CCDC77: variants seen among roughly 807,000 people sequenced by gnomAD.
The protein encoded by CCDC77 is coiled-coil domain-containing protein 77.
CCDC77 carries 56 observed loss-of-function variants against 66.8 expected under a neutral mutation model. That is an observed-to-expected ratio of 0.84 (90% CI 0.68 to 1.05). The LOEUF (loss-of-function observed/expected upper bound fraction) is 1.05. Ranked by LOEUF, CCDC77 falls within the 50% of genes least tolerant of loss-of-function variation. The probability of loss-of-function intolerance (pLI) is 0.00; values close to 1 mark genes in which losing one functional copy is unlikely to be tolerated. For missense variants in CCDC77, 570 were observed against 576.8 expected (o/e 0.99, Z 0.12); for synonymous variants, 196 against 195.2 (o/e 1.00, Z -0.03).
At chr12:415,407 TA>T (rs1457853769) in intron 4 of CCDC77, among the ~76,000 whole-genome samples, 5 of 73,962 alleles carry the variant, frequency 6.8e-5, no homozygotes, top group African/African-American at 2.3e-4. Flanking sequence ...ATCAACATAA[TA>T]TGTTGATATT....
chr12:440,866 A>T lies in CCDC77; in HGVS notation c.1190A>T (p.Lys397Met), dbSNP rs781085033. ...IFKDRTNKMGKRLQIMTKRYE... is the reference protein window; with the variant it reads ...IFKDRTNKMGMRLQIMTKRYE... ...TAGGATCGCACTAACAAGATGGGGA[A>T]GCGTTTACAGATAATGACAAAACGC... Residue 397 changes from lysine to methionine, a missense_variant, in exon 12 of 13, where the codon AAG becomes ATG. Transcript: ENST00000239830. 6.2e-6 allele frequency: 10 copies of T among 1,613,718 alleles called. 1 individual carries two copies. The South Asian group carries it at 1.1e-4, about 18-fold the overall frequency.
chr12:408,067 A>G (rs1051863517), intron 2 of CCDC77, among the ~76,000 whole-genome samples: 14 of 152,060 alleles, frequency 9.2e-5, no homozygotes, highest in Admixed American at 2.0e-4. Context: ...GATTACAGGC[A>G]TGAGCCACCG....
upstream of CCDC77, among the ~76,000 whole-genome samples, chr12:396,904 G>A (rs1286294095): frequency 6.6e-6 from 1 of 152,150 alleles, no homozygotes; most frequent in Non-Finnish European, 1.5e-5. Flanking sequence ...GAGTGTGACA[G>A]ACCCGGAATT....
intron 3 of CCDC77, among the ~76,000 whole-genome samples, chr12:410,964 G>C (rs1425693286): frequency 2.6e-5 from 4 of 151,758 alleles, no homozygotes; most frequent in Non-Finnish European, 5.9e-5. Context: ...TTACTTTAGA[G>C]ACAAGGTGTT....
intron 9 of CCDC77, 52 bp from the exon 10 acceptor site, chr12:438,283 C>T: frequency 5.8e-6 from 7 of 1,200,622 alleles, no homozygotes; most frequent in Non-Finnish European, 8.4e-6. Context: ...TCCTTGCTTT[C>T]AGGTGTGCTG....
upstream of CCDC77, among the ~76,000 whole-genome samples, chr12:397,979 G>A (rs539976417): frequency 5.9e-4 from 89 of 152,122 alleles, no homozygotes; most frequent in Middle Eastern, 3.4e-3. Flanking sequence ...GCTAATGATC[G>A]TCTAAGCCAA....
At chr12:414,480 C>G (rs997073463) in intron 4 of CCDC77, among the ~76,000 whole-genome samples, 7 of 152,196 alleles carry the variant, frequency 4.6e-5, no homozygotes, top group African/African-American at 1.4e-4. Context: ...TTTCCTTACT[C>G]TTAAATTTCA....
chr12:416,883 G>A (rs549176156), intron 4 of CCDC77, among the ~76,000 whole-genome samples: 93 of 77,776 alleles, frequency 1.2e-3, no homozygotes, highest in African/African-American at 3.8e-3. Flanking sequence ...CGAGGCCGGC[G>A]GATCACCTGG....
chr12:436,446 G>C (rs945972689), intron 9 of CCDC77, among the ~76,000 whole-genome samples: 16 of 151,776 alleles, frequency 1.1e-4, no homozygotes, highest in African/African-American at 3.6e-4. Flanking sequence ...AGCTGGTCTC[G>C]ATCCTGACCT....
chr12:391,342 C>T (rs1444755408), intron 1 of CCDC77, among the ~76,000 whole-genome samples: 1 of 152,042 alleles, frequency 6.6e-6, no homozygotes, highest in East Asian at 1.9e-4. Context: ...GTAATCCCAG[C>T]TATCCAGGAG....
chr12:402,457 T>G (rs957087549), intron 1 of CCDC77, among the ~76,000 whole-genome samples: 1 of 152,192 alleles, frequency 6.6e-6, no homozygotes. Context: ...CAGACTAGAT[T>G]TTGTTAAGTG....
chr12:428,673 T>TC (rs1449406946), intron 5 of CCDC77, 96 bp from the exon 6 acceptor site: 3 of 685,274 alleles, frequency 4.4e-6, no homozygotes, highest in Non-Finnish European at 6.7e-6. Flanking sequence ...TTACAATTGT[T>TC]TTAAAAAAAA....
intron 3 of CCDC77, 72 bp downstream of exon 3, chr12:409,493 TG>T: frequency 1.5e-6 from 2 of 1,356,852 alleles, no homozygotes; most frequent in Non-Finnish European, 2.1e-6. Flanking sequence ...GCATAGGAAC[TG>T]GAAAGGTATT....
Position 403,854 on chromosome 12 carries a change from G to C in CCDC77, c.-70-1657G>C, listed in dbSNP as rs193070846. On this transcript the variant is annotated intron_variant, in intron 1 of 12. Coordinates refer to ENST00000239830, the MANE Select transcript of CCDC77 (RefSeq NM_032358.4). ...TGTCCAGGCTAGAGTGCAGTGGCAC[G>C]ATCACTGCTCGCTGCAGCCTTGAAC... Among the ~76,000 whole-genome samples the C allele has an allele frequency of 9.8e-5, 15 of 152,300 alleles. No homozygotes were observed. In the East Asian group the frequency reaches 2.9e-3, roughly 29 times the overall value.
intron 5 of CCDC77, among the ~76,000 whole-genome samples, chr12:426,480 A>C (rs1945534788): frequency 6.6e-6 from 1 of 151,958 alleles, no homozygotes; most frequent in Non-Finnish European, 1.5e-5. Context: ...TTTCATAAGG[A>C]CCTCCACCTC....
intron 5 of CCDC77, among the ~76,000 whole-genome samples, chr12:422,753 G>A (rs1220526273): frequency 2.6e-5 from 4 of 152,214 alleles, no homozygotes; most frequent in Non-Finnish European, 5.9e-5. Flanking sequence ...TGGGACTACA[G>A]GTGTGTGCCA....
At chr12:410,648 C>A in intron 3 of CCDC77, among the ~76,000 whole-genome samples, 1 of 135,960 alleles carries the variant, frequency 7.4e-6, no homozygotes, top group East Asian at 2.2e-4. Context: ...TGCGTTCAAG[C>A]AATTATTCTG....
chr12:441,728 A>C, intron 12 of CCDC77, 46 bp from the exon 13 acceptor site: 1 of 1,581,970 alleles, frequency 6.3e-7, no homozygotes, highest in Non-Finnish European at 8.5e-7. Flanking sequence ...CTCCCCTGGC[A>C]TATGCCATCA....
At chr12:418,804 T>A in intron 5 of CCDC77, 168 bp downstream of exon 5, 1 of 644,172 alleles carries the variant, frequency 1.6e-6, no homozygotes, top group South Asian at 1.9e-5. Flanking sequence ...GTTCCAGCGA[T>A]TCTCATGCCT....
Sources: allele counts gnomAD v4.1 joint callset (sites outside exome capture counted in the v4.1 genomes callset), GRCh38; gene constraint gnomAD v4.1.1; transcripts MANE v1.5; gene names NCBI Gene and HGNC (gene_info 2026-07-23, HGNC 2026-07-21).